Variants in HECW1 observed in about 807,000 individuals in gnomAD.
HECW1 encodes the protein HECT, C2 and WW domain containing E3 ubiquitin protein ligase 1.
A neutral mutation model predicts 182.3 loss-of-function variants in HECW1; 61 were observed. The observed-to-expected ratio is 0.33, with a 90% confidence interval of 0.27 to 0.41. The LOEUF (loss-of-function observed/expected upper bound fraction) is 0.41. Ranked by LOEUF, HECW1 falls within the 10% of genes least tolerant of loss-of-function variation. The pLI is 1.00. For missense variants in HECW1, 1,739 were observed against 2,108.9 expected (o/e 0.82, Z 3.44); for synonymous variants, 859 against 832.6 (o/e 1.03, Z -0.55).
chr7:43,219,491 C>A (rs1796761087), intron 2 of HECW1, among the ~76,000 whole-genome samples: 1 of 152,060 alleles, frequency 6.6e-6, no homozygotes, highest in African/African-American at 2.4e-5. Context: ...CGGCAAGACT[C>A]CTGTCTCCAA....
chr7:43,487,130 G>C (rs1388849616), intron 17 of HECW1, among the ~76,000 whole-genome samples: 1 of 152,162 alleles, frequency 6.6e-6, no homozygotes, highest in Non-Finnish European at 1.5e-5. Flanking sequence ...CCCTTCCTGT[G>C]AACTTGCTAC....
chr7:43,489,092 TGACA>T (rs1380974427), intron 17 of HECW1, among the ~76,000 whole-genome samples: 9 of 152,214 alleles, frequency 5.9e-5, no homozygotes, highest in Non-Finnish European at 1.0e-4. Flanking sequence ...GGTGATGCCC[TGACA>T]GTTAGACACT....
chr7:43,160,182 G>A (rs1247700186), intron 2 of HECW1, among the ~76,000 whole-genome samples: 1 of 152,010 alleles, frequency 6.6e-6, no homozygotes, highest in East Asian at 1.9e-4. Flanking sequence ...TTTTCTATGG[G>A]TCTGTTTGTC....
At chr7:43,368,567 C>T (rs1816928487) in intron 6 of HECW1, among the ~76,000 whole-genome samples, 1 of 152,168 alleles carries the variant, frequency 6.6e-6, no homozygotes, top group Admixed American at 6.5e-5. Context: ...ATTCGGCATC[C>T]TCTCTCTAGA....
chr7:43,396,015 T>C (rs568314685), intron 6 of HECW1, among the ~76,000 whole-genome samples: 1 of 152,348 alleles, frequency 6.6e-6, no homozygotes, highest in South Asian at 2.1e-4. Context: ...GTGGATTTGC[T>C]TAATACCCAG....
intron 6 of HECW1, among the ~76,000 whole-genome samples, chr7:43,389,616 T>C (rs1429628229): frequency 1.2e-4 from 17 of 147,380 alleles, no homozygotes; most frequent in Non-Finnish European, 1.7e-4. Flanking sequence ...CACATTGTTG[T>C]TGCTGTTGTT....
rs572118397 is a variant in HECW1 at position 43,358,818 on chromosome 7, CTTTTTT to C, written c.461-2049_461-2044del. ...GAAGGGAGGATCCTTAAAATATATT[CTTTTTT>C]TTTTTTTTTTTTTTTTTTGAGACTG... On this transcript the variant is annotated intron_variant, in intron 5 of 29. Transcript: ENST00000395891. Among the ~76,000 whole-genome samples, 547 of 93,420 alleles carry C rather than the reference CTTTTTT, an allele frequency of 5.9e-3. 3 individuals carry two copies. The highest frequency in any genetic ancestry group is 0.021 in the African/African-American group (521 of 24,584). The allele number at this position is 93,420 out of a possible 152,430, so 61.3% of individuals were successfully genotyped here.
At chr7:43,494,228 T>C (rs755162460) in intron 19 of HECW1, among the ~76,000 whole-genome samples, 1 of 152,100 alleles carries the variant, frequency 6.6e-6, no homozygotes, top group African/African-American at 2.4e-5. Flanking sequence ...CCCTCCCAGC[T>C]GTCCCTGATC....
intron 6 of HECW1, among the ~76,000 whole-genome samples, chr7:43,365,028 T>G (rs1288251997): frequency 6.6e-6 from 1 of 152,154 alleles, no homozygotes; most frequent in Non-Finnish European, 1.5e-5. Context: ...CAACACACAG[T>G]CCACTGAAAA....
chr7:43,253,699 A>C (rs936610835), intron 3 of HECW1, among the ~76,000 whole-genome samples: 3 of 152,170 alleles, frequency 2.0e-5, no homozygotes, highest in African/African-American at 7.2e-5. Context: ...TGAGGTCAGG[A>C]GTTCAAGACC....
chr7:43,501,890 CAT>C (rs2079376787), intron 21 of HECW1, among the ~76,000 whole-genome samples: 1 of 151,980 alleles, frequency 6.6e-6, no homozygotes. Context: ...TATTTTATGA[CAT>C]GTGAAAACTG....
At chr7:43,269,832 T>C (rs1217649010) in intron 3 of HECW1, among the ~76,000 whole-genome samples, 1 of 152,108 alleles carries the variant, frequency 6.6e-6, no homozygotes, top group Non-Finnish European at 1.5e-5. Flanking sequence ...CTGGAGGCAT[T>C]TTTTGGTTTT....
At chr7:43,173,951 C>T (rs1014152297) in intron 2 of HECW1, among the ~76,000 whole-genome samples, 1 of 152,076 alleles carries the variant, frequency 6.6e-6, no homozygotes, top group Admixed American at 6.5e-5. Flanking sequence ...TGATCCTCCC[C>T]GTCAGCTTCC....
intron 26 of HECW1, among the ~76,000 whole-genome samples, chr7:43,547,040 A>G (rs2081593275): frequency 6.6e-6 from 1 of 152,186 alleles, no homozygotes; most frequent in Non-Finnish European, 1.5e-5. Flanking sequence ...CTTGGTCAGC[A>G]CGAGCTGCTT....
chr7:43,188,091 T>C (rs1043958417), intron 2 of HECW1, among the ~76,000 whole-genome samples: 1 of 152,210 alleles, frequency 6.6e-6, no homozygotes, highest in African/African-American at 2.4e-5. Flanking sequence ...AGGGATGTTC[T>C]CTGGGCACAG....
At chr7:43,350,930 A>G (rs1814350084) in intron 5 of HECW1, among the ~76,000 whole-genome samples, 2 of 152,172 alleles carry the variant, frequency 1.3e-5, no homozygotes, top group Admixed American at 1.3e-4. Flanking sequence ...TTTGGGAGGC[A>G]TTGACAAGAC....
intron 2 of HECW1, among the ~76,000 whole-genome samples, chr7:43,180,005 G>T (rs1447814585): frequency 6.6e-6 from 1 of 152,226 alleles, no homozygotes; most frequent in Non-Finnish European, 1.5e-5. Context: ...AGCAACCTTA[G>T]ATCTGACACC....
At chr7:43,552,848 C>A (rs1346693263) in intron 28 of HECW1, among the ~76,000 whole-genome samples, 1 of 152,200 alleles carries the variant, frequency 6.6e-6, no homozygotes, top group Non-Finnish European at 1.5e-5. Flanking sequence ...CAGTACAAAG[C>A]AGGAGCTTGT....
intron 24 of HECW1, among the ~76,000 whole-genome samples, chr7:43,529,246 C>T (rs2080884018): frequency 6.6e-6 from 1 of 152,160 alleles, no homozygotes; most frequent in South Asian, 2.1e-4. Flanking sequence ...TTCTCTGTCT[C>T]CTCATAGTCT....
Sources: allele counts gnomAD v4.1 joint callset (sites outside exome capture counted in the v4.1 genomes callset), GRCh38; gene constraint gnomAD v4.1.1; transcripts MANE v1.5; gene names NCBI Gene and HGNC (gene_info 2026-07-23, HGNC 2026-07-21).